The following ASIC4 variants were observed in gnomAD, a reference collection of about 807,000 sequenced individuals.
ASIC4 encodes acid sensing ion channel subunit family member 4, also known as acid-sensing ion channel 4.
ASIC4 carries 28 observed loss-of-function variants against 53.4 expected under a neutral mutation model. That is an observed-to-expected ratio of 0.52 (90% CI 0.39 to 0.72). The LOEUF is 0.72. ASIC4 is among the 30% of genes least tolerant of loss of function. The pLI, the probability that ASIC4 is intolerant of heterozygous loss-of-function variation, is 0.00. For synonymous variants in ASIC4, 289 were observed against 301.4 expected (o/e 0.96, Z 0.43); for missense variants, 649 against 729.7 (o/e 0.89, Z 1.27).
rs765378923 is a variant in ASIC4, at chr2:219,537,988, C to A, written c.1562C>A (p.Pro521His). 6.2e-7 allele frequency: 1 copy of A among 1,613,080 alleles called. No individual in the cohort carries two copies. The highest frequency in any genetic ancestry group is 8.5e-7 in the Non-Finnish European group (1 of 1,179,726). Reference sequence around the variant, plus strand: ...GGTGGGGGGGTCAGCAGTCTGCTCCCCAATCACCACCACCCCCACGGTCCC... The same window carrying A: ...GGTGGGGGGGTCAGCAGTCTGCTCCACAATCACCACCACCCCCACGGTCCC... The part of the protein sequence containing the change: ...VEGGGVSSLL[P>H]NHHHPHGPPG... The change falls in exon 10 of 10, where the codon CCC becomes CAC. Residue 521 changes from proline (P) to histidine (H), a missense_variant. Pro to His is a moderately conservative substitution (Grantham distance 77). Coordinates refer to ENST00000358078, the MANE Select transcript of ASIC4 (RefSeq NM_018674.6). This position sits in a 1 kb window ranked among gnomAD's most constrained non-coding sequence, Gnocchi z 4.9.
chr2:219,514,481 C>T (rs745794366), upstream of ASIC4: 19 of 1,550,514 alleles, frequency 1.2e-5, 1 homozygote, highest in South Asian at 4.8e-5. Context: ...AGGAGACGAT[C>T]GAGGAGAGAG....
intron 5 of ASIC4, among the ~76,000 whole-genome samples, chr2:219,534,764 GCCATCCATCCATCCATCCATCCATCCAT>G (rs56026817): frequency 6.6e-6 from 1 of 150,978 alleles, no homozygotes; most frequent in Non-Finnish European, 1.5e-5. Context: ...CTGGCCATCT[GCCATCCATCCATCCATCCATCCATCCAT>G]CCATCCATCC....
At position 219,532,086 on chromosome 2, in the gene ASIC4, G is replaced by T. The variant is rs764258912; in HGVS notation, c.813G>T (p.Val271=). ...ACATCCACCAGCTGGGGTTCGGGGTGTCCCCAGGCTTCCAGACCTTTGTGT... is the reference window on the plus strand; with the variant it reads ...ACATCCACCAGCTGGGGTTCGGGGTTTCCCCAGGCTTCCAGACCTTTGTGT... ...PPYIHQLGFG[V]SPGFQTFVSC... The change falls in exon 3 of 10, where the codon GTG becomes GTT. Residue 271 remains valine (V), a synonymous_variant. Transcript: ENST00000358078. 3.7e-6 allele frequency: 6 copies of T among 1,614,116 alleles called. No individual in the cohort carries two copies. The African/African-American group carries it at 8.0e-5, about 22-fold the overall frequency.
chr2:219,507,854 C>A, the ASIC4 span, among the ~76,000 whole-genome samples: 1 of 152,100 alleles, frequency 6.6e-6, no homozygotes, highest in African/African-American at 2.4e-5. Flanking sequence ...GGTGCTGGGG[C>A]CTTGTTATCA....
At chr2:219,519,189 A>G (rs1694848654) in intron 1 of ASIC4, among the ~76,000 whole-genome samples, 1 of 152,216 alleles carries the variant, frequency 6.6e-6, no homozygotes, top group Non-Finnish European at 1.5e-5. Context: ...TTCTTTAAAT[A>G]GGATATTAGA....
the ASIC4 span, among the ~76,000 whole-genome samples, chr2:219,509,100 G>A: frequency 1.3e-5 from 2 of 151,902 alleles, no homozygotes; most frequent in East Asian, 3.9e-4. The surrounding 1 kb of genome is among the most constrained non-coding windows in gnomAD (Gnocchi z 5.2). Context: ...TGGGGTGGGG[G>A]CAGAGCCCTC....
chr2:219,519,941 G>A (rs1694859486), intron 1 of ASIC4, among the ~76,000 whole-genome samples: 1 of 152,140 alleles, frequency 6.6e-6, no homozygotes, highest in South Asian at 2.1e-4. Flanking sequence ...GTGAGCAAAG[G>A]TGCTTTCTTC....
upstream of ASIC4, among the ~76,000 whole-genome samples, chr2:219,510,052 A>G (rs1393231109): frequency 6.6e-6 from 1 of 151,768 alleles, no homozygotes; most frequent in Non-Finnish European, 1.5e-5. The surrounding 1 kb of genome is among the most constrained non-coding windows in gnomAD (Gnocchi z 5.2). Flanking sequence ...GACAGAGGAG[A>G]GAAGGATCAG....
chr2:219,532,652 G>T (rs1254860734), intron 4 of ASIC4, 175 bp downstream of exon 4: 2 of 975,922 alleles, frequency 2.0e-6, no homozygotes, highest in African/African-American at 3.3e-5. Flanking sequence ...ACATATGCAT[G>T]TGGGAATGCC....
chr2:219,531,236 TA>T (rs777171986), intron 1 of ASIC4, among the ~76,000 whole-genome samples: 7 of 151,386 alleles, frequency 4.6e-5, no homozygotes, highest in Non-Finnish European at 8.8e-5. Flanking sequence ...CTTGGTGGCA[TA>T]TGCTTGTAAT....
intron 1 of ASIC4, among the ~76,000 whole-genome samples, chr2:219,529,328 CAAG>C (rs1333632373): frequency 1.3e-5 from 2 of 152,014 alleles, no homozygotes; most frequent in Non-Finnish European, 2.9e-5. Context: ...CCTGTGGGGT[CAAG>C]GACTTGAATC....
chr2:219,537,249 C>T lies in ASIC4; in HGVS notation c.1329C>T (p.Leu443=), dbSNP rs752194666. The change falls in exon 8 of 10, where the codon CTC becomes CTT. Residue 443 remains leucine, a synonymous_variant. Transcript: ENST00000358078. This position sits in a 1 kb window ranked among gnomAD's most constrained non-coding sequence, Gnocchi z 4.9. ...TGCTCTCCTGCTTCCCAGGAGACCTCGGGGGACAGATGGGCCTGTTCATTG... is the reference window on the plus strand; with the variant it reads ...TGCTCTCCTGCTTCCCAGGAGACCTTGGGGGACAGATGGGCCTGTTCATTG... ...AYGLSALLGD[L]GGQMGLFIGA... The T allele has an allele frequency of 5.0e-6, 8 of 1,613,422 alleles. No individual in the cohort carries two copies. In the African/African-American group the frequency reaches 6.7e-5, roughly 13 times the overall value.
intron 1 of ASIC4, among the ~76,000 whole-genome samples, chr2:219,522,430 C>T (rs1345941492): frequency 6.6e-6 from 1 of 150,530 alleles, no homozygotes; most frequent in African/African-American, 2.4e-5. Context: ...GGGCTGGGAA[C>T]CCCTGGGCGA....
In ASIC4 at chr2:219,537,738, T is replaced by G. The variant is rs1695168362; in HGVS notation, c.1506+2T>G. 1 of 1,612,342 alleles carries G rather than the reference T, an allele frequency of 6.2e-7. No individual in the cohort carries two copies. On this transcript the variant is annotated splice_donor_variant, in intron 9 of 9. Transcript: ENST00000358078. LOFTEE classifies it high-confidence loss of function. The surrounding 1 kb of genome is among the most constrained non-coding windows in gnomAD (Gnocchi z 4.9). ...GGGCTTCAGGAGCTGAAGGAACAGGTGAGGACAAGCTCTAAATGCCTGCAG... is the reference window on the plus strand; with the variant it reads ...GGGCTTCAGGAGCTGAAGGAACAGGGGAGGACAAGCTCTAAATGCCTGCAG...
At chr2:219,531,577 G>A (rs1256839550) in intron 1 of ASIC4, among the ~76,000 whole-genome samples, 181 bp from the exon 2 acceptor site, 1 of 152,224 alleles carries the variant, frequency 6.6e-6, no homozygotes, top group African/African-American at 2.4e-5. Context: ...AATCATCTAA[G>A]GGAGGCCATC....
At position 219,536,616 on chromosome 2, in the gene ASIC4, C is replaced by T. The variant is rs532737821; in HGVS notation, c.1230-450C>T. ...GACGTGGGGCGGTGGGGTGGTGTGG[C>T]GGGGAGCCTGAGCCATAGGCAGCTG... On this transcript the variant is annotated intron_variant, in intron 6 of 9. Transcript: ENST00000358078. The surrounding 1 kb of genome is among the most constrained non-coding windows in gnomAD (Gnocchi z 4.6). Among the ~76,000 whole-genome samples, 45 of 150,036 alleles carry T rather than the reference C, an allele frequency of 3.0e-4. No individual in the cohort carries two copies. The highest frequency in any genetic ancestry group is 5.5e-4 in the Non-Finnish European group (37 of 67,574).
At chr2:219,514,375 G>A (rs768866608), upstream of ASIC4, 8 of 1,546,258 alleles carry the variant, frequency 5.2e-6, no homozygotes, top group South Asian at 7.2e-5. Context: ...GCTGCGCGGC[G>A]TGGCGGAGCA....
intron 1 of ASIC4, among the ~76,000 whole-genome samples, chr2:219,519,528 C>T (rs1040430276): frequency 2.0e-5 from 3 of 152,246 alleles, no homozygotes; most frequent in African/African-American, 7.2e-5. Context: ...CAGGAGTGCG[C>T]ACACACTGTC....
At chr2:219,519,478 A>T (rs949841395) in intron 1 of ASIC4, among the ~76,000 whole-genome samples, 1 of 152,068 alleles carries the variant, frequency 6.6e-6, no homozygotes, top group African/African-American at 2.4e-5. Flanking sequence ...TTTCCATTCT[A>T]TCCAGCCCTC....
Sources: gnomAD v4.1 joint callset for allele counts (sites outside exome capture counted in the v4.1 genomes callset) on GRCh38, gnomAD v4.1.1 for gene constraint, Gnocchi (gnomAD v3.1) non-coding constraint, MANE v1.5 for transcripts, NCBI Gene and HGNC (gene_info 2026-07-23, HGNC 2026-07-21) for gene names.